The following TRERF1 variants were observed in gnomAD, a reference collection of about 807,000 sequenced individuals.
The protein encoded by TRERF1 is transcriptional regulating factor 1.
Under a neutral mutation model 122.9 loss-of-function variants are expected in TRERF1, and 27 were observed. That is an observed-to-expected ratio of 0.22 (90% confidence interval 0.16 to 0.30). TRERF1 has a LOEUF of 0.30. Ranked by LOEUF, TRERF1 falls within the 10% of genes least tolerant of loss-of-function variation. The pLI, the probability that TRERF1 is intolerant of heterozygous loss-of-function variation, is 1.00. For missense variants in TRERF1, 1,248 were observed against 1,560.3 expected, an observed-to-expected ratio of 0.80 and a Z score of 3.37; for synonymous variants, 636 against 641.7, an observed-to-expected ratio of 0.99 and a Z score of 0.13.
At chr6:42,345,357 T>C (rs1374525096) in intron 3 of TRERF1, among the ~76,000 whole-genome samples, 2 of 152,192 alleles carry the variant, frequency 1.3e-5, no homozygotes, top group African/African-American at 2.4e-5. Flanking sequence ...GAAGCATACA[T>C]TGGTTACAGA....
Position 42,436,301 on chromosome 6 carries a change from G to A in TRERF1, c.-454+14876C>T, listed in dbSNP as rs538186334. The stretch of plus-strand genomic sequence containing the variant: ...GGAGAATGGTGTGAACCCAGGAGGC[G>A]GAGTTTGTAGTGAGCCAAGATCGCA... On this transcript the variant is annotated intron_variant, in intron 2 of 17. Transcript: ENST00000372922. Among the ~76,000 whole-genome samples the A allele has an allele frequency of 5.9e-5, 9 of 151,964 alleles. No homozygotes were observed. In the East Asian group the frequency reaches 1.2e-3, roughly 20 times the overall value.
intron 3 of TRERF1, among the ~76,000 whole-genome samples, chr6:42,352,132 G>C (rs1480857223): frequency 2.0e-5 from 3 of 152,092 alleles, no homozygotes; most frequent in Non-Finnish European, 4.4e-5. Context: ...AGCCTCCTGG[G>C]TAGCTGGGAC....
At chr6:42,323,741 T>G (rs1315382801) in intron 3 of TRERF1, among the ~76,000 whole-genome samples, 1 of 152,192 alleles carries the variant, frequency 6.6e-6, no homozygotes, top group Non-Finnish European at 1.5e-5. Flanking sequence ...CAGGTTTTCC[T>G]AAGCAGGTAA....
chr6:42,339,640 T>TA (rs1395605607), intron 3 of TRERF1, among the ~76,000 whole-genome samples: 2 of 152,258 alleles, frequency 1.3e-5, no homozygotes, highest in African/African-American at 4.8e-5. Context: ...TTTATGTTTC[T>TA]ATTTAACAAA....
At position 42,263,516 on chromosome 6, in the gene TRERF1, G is replaced by C; in HGVS notation, c.1688C>G (p.Pro563Arg). The change falls in exon 8 of 18, where the codon CCG becomes CGG. Residue 563 changes from proline to arginine, a missense_variant. Pro to Arg is a moderately radical substitution (Grantham distance 103). Around this residue, in one of 5 missense-constraint regions of TRERF1, gnomAD observed 946 missense variants for 1,073.0 expected, o/e 0.88. Coordinates refer to ENST00000372922, the Ensembl canonical transcript of TRERF1. The surrounding 1 kb of genome is among the most constrained non-coding windows in gnomAD (Gnocchi z 5.6). The stretch of plus-strand genomic sequence containing the variant: ...CTGTGGTGGCGGCGGAGGCGGAGGC[G>C]GAGGCGGCAGTGGTGGCTGGGGCTG... The C allele has an allele frequency of 6.4e-7, 1 of 1,567,304 alleles. No individual in the cohort carries two copies. Among genetic ancestry groups the C allele is most frequent in the Non-Finnish European group, 8.7e-7 (1 of 1,154,348 alleles).
intron 4 of TRERF1, among the ~76,000 whole-genome samples, chr6:42,294,536 T>C (rs1784793754): frequency 6.6e-6 from 1 of 152,090 alleles, no homozygotes; most frequent in South Asian, 2.1e-4. Flanking sequence ...AATAATATAA[T>C]GAAATGTTTT....
At chr6:42,406,447 C>T (rs1780190082) in intron 2 of TRERF1, among the ~76,000 whole-genome samples, 1 of 152,318 alleles carries the variant, frequency 6.6e-6, no homozygotes, top group East Asian at 1.9e-4. Flanking sequence ...CAGGCAGAGG[C>T]CTCTGTCCTG....
chr6:42,320,853 C>G (rs1763320968), intron 3 of TRERF1, among the ~76,000 whole-genome samples: 1 of 152,052 alleles, frequency 6.6e-6, no homozygotes, highest in Non-Finnish European at 1.5e-5. Context: ...ATAAAGGGAA[C>G]AGGTGAGGGC....
intron 17 of TRERF1, among the ~76,000 whole-genome samples, chr6:42,230,378 T>C (rs1770284230): frequency 6.6e-6 from 1 of 151,918 alleles, no homozygotes; most frequent in Admixed American, 6.6e-5. Flanking sequence ...AAACATTTAA[T>C]AGATGCTACT....
chr6:42,262,196 T>C (rs1052546946), intron 8 of TRERF1, among the ~76,000 whole-genome samples: 28 of 152,130 alleles, frequency 1.8e-4, no homozygotes, highest in African/African-American at 6.7e-4. Flanking sequence ...TCCCCCCAGT[T>C]CTCCATCAGT....
chr6:42,326,990 C>T (rs915188588), intron 3 of TRERF1, among the ~76,000 whole-genome samples: 3 of 152,152 alleles, frequency 2.0e-5, no homozygotes, highest in African/African-American at 7.2e-5. Context: ...CATAGTATCT[C>T]TTCTAGCAGC....
intron 4 of TRERF1, among the ~76,000 whole-genome samples, chr6:42,297,412 C>T (rs919482883): frequency 6.6e-6 from 1 of 152,192 alleles, no homozygotes; most frequent in African/African-American, 2.4e-5. Context: ...CTGCTGAAAC[C>T]TGGAGATTCT....
chr6:42,403,324 T>C (rs1260861325), intron 2 of TRERF1, among the ~76,000 whole-genome samples: 4 of 152,062 alleles, frequency 2.6e-5, no homozygotes, highest in African/African-American at 4.8e-5. Flanking sequence ...TAAGATGAGG[T>C]TATACTCATC....
chr6:42,408,227 A>ATATATATATATATG (rs150915297), intron 2 of TRERF1, among the ~76,000 whole-genome samples: 32 of 116,704 alleles, frequency 2.7e-4, no homozygotes, highest in Non-Finnish European at 3.2e-4. Flanking sequence ...ATATATATAT[A>ATATATATATATATG]TGTGTGTGTG....
chr6:42,415,681 C>T (rs1478489551), intron 2 of TRERF1, among the ~76,000 whole-genome samples: 1 of 152,130 alleles, frequency 6.6e-6, no homozygotes, highest in Non-Finnish European at 1.5e-5. Context: ...TACACACACC[C>T]TTATTTATTT....
At chr6:42,324,877 G>A (rs1257015873) in intron 3 of TRERF1, among the ~76,000 whole-genome samples, 1 of 152,128 alleles carries the variant, frequency 6.6e-6, no homozygotes, top group Non-Finnish European at 1.5e-5. Context: ...AAGAGCAATT[G>A]CAAGAAAAAT....
chr6:42,373,471 T>C (rs1193139426), intron 2 of TRERF1, among the ~76,000 whole-genome samples: 3 of 151,994 alleles, frequency 2.0e-5, no homozygotes, highest in Admixed American at 6.6e-5. Flanking sequence ...ATCGAGACCA[T>C]CCTGGCAAAC....
intron 2 of TRERF1, among the ~76,000 whole-genome samples, chr6:42,384,959 C>G (rs1199522435): frequency 6.6e-6 from 1 of 151,574 alleles, no homozygotes; most frequent in Non-Finnish European, 1.5e-5. Flanking sequence ...CATTTGGTAC[C>G]ATGCTCAACT....
intron 1 of TRERF1, among the ~76,000 whole-genome samples, 167 bp from the exon 2 acceptor site, chr6:42,451,428 C>T: frequency 6.6e-6 from 1 of 151,612 alleles, no homozygotes; most frequent in Admixed American, 6.6e-5. Context: ...GTCCCCCCGA[C>T]AAGAGTGTGC....
Sources: gnomAD v4.1 joint callset for allele counts (sites outside exome capture counted in the v4.1 genomes callset) on GRCh38, gnomAD v4.1.1 for gene constraint, gnomAD v4.1.1 regional missense constraint, Gnocchi (gnomAD v3.1) non-coding constraint, MANE v1.5 for transcripts, NCBI Gene and HGNC (gene_info 2026-07-23, HGNC 2026-07-21) for gene names.